Variants in MPZL1 observed in about 807,000 individuals in gnomAD.
The protein encoded by MPZL1 is myelin protein zero-like protein 1.
MPZL1 carries 16 observed loss-of-function variants against 29.3 expected under a neutral mutation model. The observed-to-expected ratio is 0.55, with a 90% CI of 0.37 to 0.83. MPZL1 has a LOEUF of 0.83. MPZL1 is among the 40% of genes least tolerant of loss of function. MPZL1 has a pLI of 0.00. For missense variants in MPZL1, 279 were observed against 332.9 expected (o/e 0.84, Z 1.26); for synonymous variants, 143 against 132.0 (o/e 1.08, Z -0.57).
chr1:167,735,818 T>C (rs1311761210), intron 1 of MPZL1, among the ~76,000 whole-genome samples: 2 of 152,210 alleles, frequency 1.3e-5, no homozygotes, highest in South Asian at 2.1e-4. Flanking sequence ...CCAATTGTAA[T>C]ATTAATCTTA....
chr1:167,738,373 A>G (rs1432128540), intron 1 of MPZL1, among the ~76,000 whole-genome samples: 5 of 152,318 alleles, frequency 3.3e-5, no homozygotes, highest in Admixed American at 2.0e-4. Context: ...GAAGACCACA[A>G]ATACTCATGT....
Position 167,787,940 on chromosome 1 carries a change from T to A in MPZL1, c.*19T>A. 2 of 1,589,386 alleles carry A rather than the reference T, an allele frequency of 1.3e-6. No homozygotes were observed. Among genetic ancestry groups the A allele is most frequent in the Non-Finnish European group, 1.7e-6 (2 of 1,157,778 alleles). ...GAATTAAGAGAATACCTAGAACATATCCTCAGCAAGAAACAAAACCAAACT... is the reference window on the plus strand; with the variant it reads ...GAATTAAGAGAATACCTAGAACATAACCTCAGCAAGAAACAAAACCAAACT... On this transcript the variant is annotated 3_prime_UTR_variant, in exon 6 of 6. Transcript: ENST00000359523.
Position 167,729,731 on chromosome 1 carries a change from G to A in MPZL1, c.91+7489G>A, listed in dbSNP as rs558412010. ...TCTGTTTCTTAGCCCTTAGAAGTTA[G>A]GGCATAGAACTAGGTTCATGTTATA... On this transcript the variant is annotated intron_variant, in intron 1 of 5. Coordinates refer to ENST00000359523, the MANE Select transcript of MPZL1 (RefSeq NM_003953.6). Among the ~76,000 whole-genome samples the A allele has an allele frequency of 6.6e-5, 10 of 152,314 alleles. No individual in the cohort carries two copies. In the South Asian group the frequency reaches 1.2e-3, roughly 19 times the overall value.
chr1:167,731,559 C>G (rs945067643), intron 1 of MPZL1, among the ~76,000 whole-genome samples: 8 of 151,648 alleles, frequency 5.3e-5, no homozygotes, highest in African/African-American at 1.9e-4. Flanking sequence ...GCCTCAGCCT[C>G]CAAAGTAGCT....
chr1:167,773,162 C>T lies in MPZL1; in HGVS notation c.473-74C>T, dbSNP rs1009027758. The T allele has an allele frequency of 6.5e-5, 96 of 1,471,700 alleles. 2 individuals are homozygous for T. The South Asian group carries it at 7.4e-4, about 11-fold the overall frequency. 91.2% of individuals were successfully genotyped at this position (1,471,700 alleles called of 1,614,324 possible). A position where few individuals can be genotyped will look rare whatever the true frequency, so the allele number is the denominator to read the frequency against. ...TAACTGCTAAATGAAGATACTTGCT[C>T]GTTAATTTAATAAAATTCCATGTTT... On this transcript the variant is annotated intron_variant, in intron 3 of 5. Coordinates refer to ENST00000359523, the MANE Select transcript of MPZL1 (RefSeq NM_003953.6).
intron 5 of MPZL1, among the ~76,000 whole-genome samples, chr1:167,779,195 T>A (rs1661437993): frequency 6.6e-6 from 1 of 151,802 alleles, no homozygotes; most frequent in South Asian, 2.1e-4. Context: ...AGCAATCTAA[T>A]TAGAATCCGA....
rs76775177 is a variant in MPZL1 at position 167,791,332 on chromosome 1, C to G, written c.*3411C>G. 0.012 allele frequency: 1,891 copies of G among 152,342 alleles called. 17 individuals carry two copies. The highest frequency in any genetic ancestry group is 0.018 in the Non-Finnish European group (1,201 of 68,042). The allele number at this position is 152,342 out of a possible 1,614,324, so 9.4% of individuals were successfully genotyped here. On this transcript the variant is annotated 3_prime_UTR_variant, in exon 6 of 6. Coordinates refer to ENST00000359523, the MANE Select transcript of MPZL1 (RefSeq NM_003953.6). ...GCATTCATCCATTCAGCAACCTACA[C>G]TGAGAACAATCCTGTGCCAAGCACT...
chr1:167,748,286 A>G (rs1347801759), intron 1 of MPZL1, among the ~76,000 whole-genome samples: 4 of 152,182 alleles, frequency 2.6e-5, no homozygotes, highest in African/African-American at 9.7e-5. Flanking sequence ...TAATTTCTCT[A>G]CATCCTCTCC....
intron 4 of MPZL1, chr1:167,774,786 T>C (rs1661331361): frequency 6.6e-6 from 1 of 152,222 alleles, no homozygotes; most frequent in African/African-American, 2.4e-5. Context: ...AAAGCTGACA[T>C]AGAAGACACA....
intron 5 of MPZL1, among the ~76,000 whole-genome samples, chr1:167,781,771 G>A (rs1661501853): frequency 6.6e-6 from 1 of 152,094 alleles, no homozygotes; most frequent in Non-Finnish European, 1.5e-5. Flanking sequence ...TAGGTAATCT[G>A]TCGCTTCTCT....
chr1:167,741,021 C>T (rs959633142), intron 1 of MPZL1, among the ~76,000 whole-genome samples: 17 of 152,052 alleles, frequency 1.1e-4, no homozygotes, highest in African/African-American at 3.6e-4. Context: ...GCAGTCACTT[C>T]TTTGGTTTTT....
intron 1 of MPZL1, among the ~76,000 whole-genome samples, chr1:167,761,518 G>T (rs1001425442): frequency 5.3e-5 from 8 of 152,180 alleles, no homozygotes; most frequent in Admixed American, 2.0e-4. Flanking sequence ...ACATAGGGAG[G>T]TTCTCTTCTC....
chr1:167,723,950 A>G (rs556174433), intron 1 of MPZL1, among the ~76,000 whole-genome samples: 1 of 152,322 alleles, frequency 6.6e-6, no homozygotes, highest in Admixed American at 6.5e-5. Flanking sequence ...GCACCTTTTA[A>G]GTGCTTAACA....
At chr1:167,763,619 G>C (rs1661044970) in intron 1 of MPZL1, among the ~76,000 whole-genome samples, 1 of 152,050 alleles carries the variant, frequency 6.6e-6, no homozygotes, top group Non-Finnish European at 1.5e-5. Context: ...AAATCACACA[G>C]AGTGAATAAG....
intron 2 of MPZL1, among the ~76,000 whole-genome samples, chr1:167,766,609 G>T (rs908175475): frequency 7.2e-5 from 11 of 152,182 alleles, no homozygotes; most frequent in African/African-American, 2.2e-4. Flanking sequence ...GTTTAGCAAG[G>T]ACAGTCTGTC....
chr1:167,758,590 A>G (rs933733292), intron 1 of MPZL1, among the ~76,000 whole-genome samples: 2 of 151,890 alleles, frequency 1.3e-5, no homozygotes, highest in Non-Finnish European at 1.5e-5. Flanking sequence ...AGAATATTAC[A>G]TTTTGAATAT....
At chr1:167,738,175 C>T (rs538349510) in intron 1 of MPZL1, among the ~76,000 whole-genome samples, 33 of 152,240 alleles carry the variant, frequency 2.2e-4, no homozygotes, top group African/African-American at 7.0e-4. Context: ...CCGCCCGCCT[C>T]GGCCTCCCAA....
intron 1 of MPZL1, among the ~76,000 whole-genome samples, chr1:167,740,001 C>T (rs2101756999): frequency 6.6e-6 from 1 of 152,282 alleles, no homozygotes; most frequent in East Asian, 1.9e-4. Context: ...ACTTGGAGTC[C>T]ATAGTTCATT....
chr1:167,750,401 C>T (rs1660731032), intron 1 of MPZL1, among the ~76,000 whole-genome samples: 1 of 152,096 alleles, frequency 6.6e-6, no homozygotes, highest in South Asian at 2.1e-4. Flanking sequence ...AGGGTTTCAT[C>T]ATATTGGTTA....
Sources: allele counts gnomAD v4.1 joint callset (sites outside exome capture counted in the v4.1 genomes callset), GRCh38; gene constraint gnomAD v4.1.1; transcripts MANE v1.5; gene names NCBI Gene and HGNC (gene_info 2026-07-23, HGNC 2026-07-21).